ARMC3: variants seen among roughly 807,000 people sequenced by gnomAD.
ARMC3 encodes armadillo repeat containing 3.
Under a neutral mutation model 90.3 loss-of-function variants are expected in ARMC3, and 74 were observed. That is an observed-to-expected ratio of 0.82 (90% CI 0.68 to 0.99). ARMC3 has a LOEUF of 0.99. ARMC3 is among the 50% of genes least tolerant of loss of function. The probability of loss-of-function intolerance (pLI) is 0.00; values close to 1 mark genes in which losing one functional copy is unlikely to be tolerated. For missense variants in ARMC3, 958 were observed against 1,042.8 expected (o/e 0.92, Z 1.12); for synonymous variants, 334 against 361.8 (o/e 0.92, Z 0.87).
intron 3 of ARMC3, among the ~76,000 whole-genome samples, chr10:22,951,547 T>G (rs1015679768): frequency 6.6e-6 from 1 of 152,120 alleles, no homozygotes; most frequent in Non-Finnish European, 1.5e-5. Context: ...AAATTTTAAG[T>G]GATTCCAATA....
intron 3 of ARMC3, among the ~76,000 whole-genome samples, chr10:22,948,247 T>G (rs911128383): frequency 1.3e-5 from 2 of 152,124 alleles, no homozygotes; most frequent in Non-Finnish European, 2.9e-5. Flanking sequence ...GGGTCAAATT[T>G]CAGGGAGATA....
At position 23,011,408 on chromosome 10, in the gene ARMC3, A is replaced by C. The variant is rs369976621; in HGVS notation, c.2045+2477A>C. ...TGCTGTTGTAAGCCTCAAGTAAGTCACTACGTGTGAAATGCTTAGCGCGGT... is the reference window on the plus strand; with the variant it reads ...TGCTGTTGTAAGCCTCAAGTAAGTCCCTACGTGTGAAATGCTTAGCGCGGT... On this transcript the variant is annotated intron_variant, in intron 16 of 18. Transcript: ENST00000298032. Among the ~76,000 whole-genome samples the C allele has an allele frequency of 3.3e-5, 5 of 152,298 alleles. No individual in the cohort carries two copies. The South Asian group carries it at 6.2e-4, about 19-fold the overall frequency.
Position 22,998,361 on chromosome 10 carries a change from C to T in ARMC3, c.1389C>T (p.Val463=). ...TGCAGAGCAAAGCTGCTCTCGCTGT[C>T]ACCGCAACTGCGTGTGACGTTGAAG... The part of the protein sequence containing the change: ...TVVQSKAALA[V]TATACDVEAR... Residue 463 remains valine (V), a synonymous_variant, in exon 11 of 19, where the codon GTC becomes GTT. Coordinates refer to ENST00000298032, the MANE Select transcript of ARMC3 (RefSeq NM_173081.5). 6.2e-7 allele frequency: 1 copy of T among 1,614,092 alleles called. No individual in the cohort carries two copies. Among genetic ancestry groups the T allele is most frequent in the Non-Finnish European group, 8.5e-7 (1 of 1,180,000 alleles).
At chr10:23,013,714 C>T (rs556657909) in intron 16 of ARMC3, among the ~76,000 whole-genome samples, 1 of 152,290 alleles carries the variant, frequency 6.6e-6, no homozygotes, top group East Asian at 1.9e-4. Flanking sequence ...CATTAGATCT[C>T]CAGAACACAG....
intron 1 of ARMC3, 69 bp from the exon 2 acceptor site, chr10:22,931,927 C>G: frequency 7.2e-7 from 1 of 1,381,658 alleles, no homozygotes; most frequent in East Asian, 2.3e-5. Context: ...AACCTCCTCT[C>G]AAGGGCACAG....
At position 23,037,476 on chromosome 10, in the gene ARMC3, T is replaced by G. The variant is rs779736231; in HGVS notation, c.2616T>G (p.Ile872Met). 7 of 1,612,046 alleles carry G rather than the reference T, an allele frequency of 4.3e-6. No individual in the cohort carries two copies. Among genetic ancestry groups the G allele is most frequent in the Middle Eastern group, 1.6e-4 (1 of 6,066 alleles). The change falls in exon 19 of 19, where the codon ATT becomes ATG. Residue 872 changes from isoleucine (I) to methionine (M), a missense_variant. Ile to Met is a conservative substitution (Grantham distance 10). Transcript: ENST00000298032. ...GAGAGGCTGATCTTTACAGATTCAT[T>G]TAAGCCATCAGACGAACACAAGAGA... is the stretch of plus-strand genomic sequence containing the variant. ...RSREADLYRF[I>M] is the part of the protein sequence containing the mutation.
chr10:22,933,375 G>T (rs1834001382), intron 2 of ARMC3, among the ~76,000 whole-genome samples: 1 of 152,048 alleles, frequency 6.6e-6, no homozygotes, highest in South Asian at 2.1e-4. Context: ...GAATTACGGG[G>T]CTAATAAACA....
rs370847654 is a variant in ARMC3 at position 23,003,390 on chromosome 10, C to T, written c.1707C>T (p.Asn569=). The change falls in exon 13 of 19, where the codon AAC becomes AAT. Residue 569 remains asparagine (N), a synonymous_variant. Transcript: ENST00000298032. ...ATTTGTCATCAAGTAACATAATTAA[C>T]GATGGATTCTATGATTATGGTCGGG... ...TGYLSSSNII[N]DGFYDYGRIN... 55 of 1,608,754 alleles carry T rather than the reference C, an allele frequency of 3.4e-5. No individual in the cohort carries two copies. Among genetic ancestry groups the T allele is most frequent in the Admixed American group, 5.0e-5 (3 of 59,406 alleles).
chr10:22,960,046 A>G (rs1194768029), intron 6 of ARMC3: 1 of 324,512 alleles, frequency 3.1e-6, no homozygotes, highest in Non-Finnish European at 5.9e-6. Flanking sequence ...CAATAGCAAG[A>G]TGCTACCTCA....
At chr10:22,961,674 T>C (rs963734973) in intron 6 of ARMC3, 9 of 499,290 alleles carry the variant, frequency 1.8e-5, no homozygotes, top group African/African-American at 1.4e-4. Context: ...ATATTTTCTG[T>C]TGTAGACAAT....
At chr10:23,024,627 T>G (rs141452794) in intron 16 of ARMC3, among the ~76,000 whole-genome samples, 169 of 152,312 alleles carry the variant, frequency 1.1e-3, no homozygotes, top group African/African-American at 3.9e-3. Flanking sequence ...TACACTGTGA[T>G]AAGCCATATT....
chr10:23,025,536 G>A (rs1318424916), intron 16 of ARMC3, among the ~76,000 whole-genome samples: 4 of 152,030 alleles, frequency 2.6e-5, no homozygotes, highest in South Asian at 2.1e-4. Context: ...AATTAAGAAC[G>A]TAGGACTGAA....
chr10:23,001,772 G>A (rs1369331485), intron 11 of ARMC3, 147 bp from the exon 12 acceptor site: 4 of 1,062,488 alleles, frequency 3.8e-6, no homozygotes, highest in Non-Finnish European at 5.2e-6. Context: ...TTTCACCCCT[G>A]AATTTAATAA....
chr10:23,037,521 C>G lies in ARMC3; in HGVS notation c.*42C>G. On this transcript the variant is annotated 3_prime_UTR_variant, in exon 19 of 19. Coordinates refer to ENST00000298032, the MANE Select transcript of ARMC3 (RefSeq NM_173081.5). ...AAGAGAGGCTCAAACAAGAAATTCA[C>G]TGTGTACACTCTCTAAGACATTCTC... The G allele has an allele frequency of 6.6e-7, 1 of 1,520,418 alleles. No homozygotes were observed. Among genetic ancestry groups the G allele is most frequent in the South Asian group, 1.2e-5 (1 of 84,558 alleles). The allele number at this position is 1,520,418 out of a possible 1,614,324, so 94.2% of individuals were successfully genotyped here.
At chr10:22,994,409 G>T (rs1388278662) in intron 10 of ARMC3, among the ~76,000 whole-genome samples, 1 of 152,206 alleles carries the variant, frequency 6.6e-6, no homozygotes, top group Admixed American at 6.5e-5. Flanking sequence ...TCAGAAATTT[G>T]GGGGTAGGCC....
At chr10:22,952,432 T>C (rs759670442) in intron 3 of ARMC3, among the ~76,000 whole-genome samples, 54 of 152,106 alleles carry the variant, frequency 3.6e-4, no homozygotes, top group Non-Finnish European at 6.5e-4. Context: ...TTCTACAACT[T>C]AGATTAAGTG....
At chr10:23,028,317 T>G (rs1015804760) in intron 16 of ARMC3, among the ~76,000 whole-genome samples, 5 of 152,060 alleles carry the variant, frequency 3.3e-5, no homozygotes, top group Non-Finnish European at 7.4e-5. Flanking sequence ...ATTTCTCAGT[T>G]CCAAAATTAT....
intron 8 of ARMC3, among the ~76,000 whole-genome samples, chr10:22,974,639 T>TTG (rs1484375319): frequency 1.3e-5 from 2 of 150,370 alleles, no homozygotes; most frequent in Admixed American, 6.6e-5. Flanking sequence ...TGTTTTTTTT[T>TTG]GTTTGTTTGT....
At chr10:22,931,423 CTTT>C (rs1374756779) in intron 1 of ARMC3, among the ~76,000 whole-genome samples, 1 of 152,094 alleles carries the variant, frequency 6.6e-6, no homozygotes, top group Non-Finnish European at 1.5e-5. Flanking sequence ...TGAAAGAAAA[CTTT>C]TTGTTATCCG....
Sources: gnomAD v4.1 joint callset for allele counts (sites outside exome capture counted in the v4.1 genomes callset) on GRCh38, gnomAD v4.1.1 for gene constraint, MANE v1.5 for transcripts, NCBI Gene and HGNC (gene_info 2026-07-23, HGNC 2026-07-21) for gene names.